Variants in CSMD1 observed in about 807,000 individuals in gnomAD.
CSMD1 encodes the protein CUB and Sushi multiple domains 1.
CSMD1 carries 213 observed loss-of-function variants against 417.5 expected under a neutral mutation model. That is an observed-to-expected ratio of 0.51 (90% CI 0.46 to 0.57). The LOEUF is 0.57. CSMD1 is among the 20% of genes least tolerant of loss of function. The probability of loss-of-function intolerance (pLI) is 0.00; values close to 1 mark genes in which losing one functional copy is unlikely to be tolerated. For missense variants in CSMD1, 6,923 were observed against 4,529.7 expected, an observed-to-expected ratio of 1.53 and a Z score of -15.17; for synonymous variants, 2,862 against 1,736.8, an observed-to-expected ratio of 1.65 and a Z score of -16.11.
At chr8:3,519,295 T>C (rs1467780804) in intron 10 of CSMD1, among the ~76,000 whole-genome samples, 1 of 152,190 alleles carries the variant, frequency 6.6e-6, no homozygotes, top group Non-Finnish European at 1.5e-5. Context: ...GTCTTCAAAT[T>C]CAAAAACAGC....
At chr8:4,286,021 T>C (rs557361993) in intron 3 of CSMD1, among the ~76,000 whole-genome samples, 103 of 152,318 alleles carry the variant, frequency 6.8e-4, no homozygotes, top group Middle Eastern at 3.4e-3. Context: ...TAAAAAGCTC[T>C]CTCTGCCTTG....
intron 1 of CSMD1, among the ~76,000 whole-genome samples, chr8:4,713,731 T>C (rs536180013): frequency 6.6e-6 from 1 of 152,280 alleles, no homozygotes; most frequent in East Asian, 1.9e-4. Flanking sequence ...ACCCCAAACC[T>C]GGCCCCTGAG....
At chr8:4,278,683 AG>A (rs1200065365) in intron 3 of CSMD1, among the ~76,000 whole-genome samples, 1 of 152,216 alleles carries the variant, frequency 6.6e-6, no homozygotes, top group African/African-American at 2.4e-5. Context: ...AACAGTCTAT[AG>A]CCACTTAAAT....
intron 29 of CSMD1, among the ~76,000 whole-genome samples, chr8:3,215,358 C>T (rs1454068624): frequency 6.6e-6 from 1 of 152,140 alleles, no homozygotes; most frequent in African/African-American, 2.4e-5. Context: ...TACTAACAGC[C>T]AATAGTTCTA....
chr8:3,120,177 A>G (rs1210837745), intron 41 of CSMD1, among the ~76,000 whole-genome samples: 3 of 152,330 alleles, frequency 2.0e-5, no homozygotes, highest in Admixed American at 6.5e-5. Flanking sequence ...TGGGCCAGAA[A>G]GAAGATAGGA....
intron 7 of CSMD1, among the ~76,000 whole-genome samples, chr8:3,638,960 T>C (rs1563222552): frequency 6.6e-6 from 1 of 152,176 alleles, no homozygotes; most frequent in Non-Finnish European, 1.5e-5. Context: ...AATTCAGAAA[T>C]TATTTCAAAT....
chr8:4,125,983 C>T lies in CSMD1; in HGVS notation c.416-93884G>A, dbSNP rs187376456. 8.3e-4 allele frequency among the ~76,000 whole-genome samples: 126 copies of T among 152,220 alleles called. 2 individuals carry two copies. The highest frequency in any genetic ancestry group is 1.4e-3 in the Non-Finnish European group (97 of 68,020). ...TATTGTAAAACCTAAGATCTAAGATCGGTGGTTGTGATATGTTGCAGACCC... is the reference window on the plus strand; with the variant it reads ...TATTGTAAAACCTAAGATCTAAGATTGGTGGTTGTGATATGTTGCAGACCC... On this transcript the variant is annotated intron_variant, in intron 3 of 69. Coordinates refer to ENST00000635120, the MANE Select transcript of CSMD1 (RefSeq NM_033225.6).
At chr8:3,413,380 G>C (rs1333314578) in intron 12 of CSMD1, among the ~76,000 whole-genome samples, 1 of 152,152 alleles carries the variant, frequency 6.6e-6, no homozygotes, top group Admixed American at 6.5e-5. Flanking sequence ...GAGACCTGTG[G>C]TTAGCTGATC....
At chr8:4,009,514 T>G (rs1563314044) in intron 4 of CSMD1, among the ~76,000 whole-genome samples, 1 of 152,214 alleles carries the variant, frequency 6.6e-6, no homozygotes, top group Non-Finnish European at 1.5e-5. Context: ...ATTTATAATA[T>G]TCCTTCAGTG....
At chr8:3,925,896 T>G (rs957667080) in intron 5 of CSMD1, among the ~76,000 whole-genome samples, 1 of 152,056 alleles carries the variant, frequency 6.6e-6, no homozygotes, top group Non-Finnish European at 1.5e-5. Flanking sequence ...TTTTTAAATA[T>G]ATACTATCTG....
intron 6 of CSMD1, among the ~76,000 whole-genome samples, chr8:3,709,153 A>ATTT (rs10646728): frequency 0.8 from 116,885 of 146,118 alleles, 47,501 homozygotes; most frequent in East Asian, 0.91. Context: ...AAGAAGTTTC[A>ATTT]TTTTTTTTTT....
At chr8:4,136,006 A>G (rs540897721) in intron 3 of CSMD1, among the ~76,000 whole-genome samples, 8 of 152,338 alleles carry the variant, frequency 5.3e-5, no homozygotes, top group African/African-American at 1.9e-4. Context: ...AATTGAATTC[A>G]ATTTCAAAAA....
At chr8:2,967,687 T>A (rs1008727684) in intron 57 of CSMD1, among the ~76,000 whole-genome samples, 1 of 152,226 alleles carries the variant, frequency 6.6e-6, no homozygotes, top group Non-Finnish European at 1.5e-5. Flanking sequence ...GCCTCTGAGC[T>A]GATCAAAATA....
chr8:3,463,597 C>T (rs989468883), intron 12 of CSMD1, among the ~76,000 whole-genome samples: 3 of 152,190 alleles, frequency 2.0e-5, no homozygotes, highest in Non-Finnish European at 4.4e-5. Flanking sequence ...GGCATGAGCT[C>T]ACTTTCTACA....
At chr8:4,908,532 T>TG (rs1805452714) in intron 1 of CSMD1, among the ~76,000 whole-genome samples, 1 of 139,586 alleles carries the variant, frequency 7.2e-6, no homozygotes, top group Admixed American at 8.2e-5. Context: ...TGTTCTCTTC[T>TG]GTTTTTTTTC....
At chr8:3,006,925 G>A (rs1413927200) in intron 52 of CSMD1, among the ~76,000 whole-genome samples, 8 of 140,434 alleles carry the variant, frequency 5.7e-5, no homozygotes, top group African/African-American at 2.5e-4. Flanking sequence ...TGACAAATGG[G>A]ATCTAATTAA....
chr8:4,847,623 C>A (rs566846271), intron 1 of CSMD1, among the ~76,000 whole-genome samples: 4 of 152,152 alleles, frequency 2.6e-5, no homozygotes, highest in African/African-American at 9.6e-5. Context: ...TCTTCCAGGA[C>A]CCCACCGAGG....
At chr8:4,192,040 A>C (rs1003791791) in intron 3 of CSMD1, among the ~76,000 whole-genome samples, 1 of 152,212 alleles carries the variant, frequency 6.6e-6, no homozygotes, top group Non-Finnish European at 1.5e-5. Context: ...CTCCTGCAAC[A>C]AAAGTATTTG....
chr8:4,613,255 A>G (rs1044861602), intron 2 of CSMD1, among the ~76,000 whole-genome samples: 4 of 152,224 alleles, frequency 2.6e-5, no homozygotes, highest in Non-Finnish European at 5.9e-5. Context: ...TATTTAAATG[A>G]CAGAGTGATG....
Sources: allele counts gnomAD v4.1 joint callset (sites outside exome capture counted in the v4.1 genomes callset), GRCh38; gene constraint gnomAD v4.1.1; transcripts MANE v1.5; gene names NCBI Gene and HGNC (gene_info 2026-07-23, HGNC 2026-07-21).